The following PID1 variants were observed in gnomAD, a reference collection of about 807,000 sequenced individuals.
PID1 encodes the protein PTB-containing, cubilin and LRP1-interacting protein.
Under a neutral mutation model 19.1 loss-of-function variants are expected in PID1, and 10 were observed. The ratio of observed to expected loss-of-function variants is 0.52; its 90% confidence interval spans 0.32 to 0.89. The LOEUF is 0.89. Among genes scored for constraint, PID1 ranks in the 40% least tolerant of loss-of-function variants. The pLI, the probability that PID1 is intolerant of heterozygous loss-of-function variation, is 0.03. For missense variants in PID1, 248 were observed against 285.3 expected, an observed-to-expected ratio of 0.87 and a Z score of 0.94; for synonymous variants, 130 against 116.0, an observed-to-expected ratio of 1.12 and a Z score of -0.78.
intron 1 of PID1, among the ~76,000 whole-genome samples, chr2:229,208,246 C>T (rs1421016245): frequency 6.6e-6 from 1 of 152,188 alleles, no homozygotes; most frequent in Non-Finnish European, 1.5e-5. Context: ...CCTGGAAACT[C>T]AGTGCATAGC....
chr2:229,173,028 C>T (rs1482563611), intron 1 of PID1, among the ~76,000 whole-genome samples: 1 of 152,072 alleles, frequency 6.6e-6, no homozygotes, highest in Non-Finnish European at 1.5e-5. Context: ...CCACTGGCCT[C>T]AATGCACTTT....
At position 229,126,980 on chromosome 2, in the gene PID1, T is replaced by C. The variant is rs148095603; in HGVS notation, c.177+28838A>G. On this transcript the variant is annotated intron_variant, in intron 2 of 2. Transcript: ENST00000392055. ...AAGAACCAAGGCTTCTCCCAGTCTG[T>C]GGCTCCGCCATTCCCCAAGTCCTCA... Among the ~76,000 whole-genome samples, 394 of 152,334 alleles carry C rather than the reference T, an allele frequency of 2.6e-3. 18 individuals carry two copies. The East Asian group carries it at 0.067, about 26-fold the overall frequency.
chr2:229,025,678 C>T lies in PID1; in HGVS notation c.608G>A (p.Ser203Asn). 6.2e-7 allele frequency: 1 copy of T among 1,613,686 alleles called. No homozygotes were observed. The highest frequency in any genetic ancestry group is 8.5e-7 in the Non-Finnish European group (1 of 1,179,580). ...MKSDGRIHSN[S>N]SSEEVSQELE... ...TTCCTGGGAAACCTCTTCGGAGGAGCTGTTGCTGTGGATCCGCCCGTCGCT... is the reference window on the plus strand; with the variant it reads ...TTCCTGGGAAACCTCTTCGGAGGAGTTGTTGCTGTGGATCCGCCCGTCGCT... The change falls in exon 3 of 3, where the codon AGC becomes AAC. Residue 203 changes from serine (S) to asparagine (N), a missense_variant. Ser to Asn is a conservative substitution (Grantham distance 46, BLOSUM62 1). Transcript: ENST00000392055.
At position 229,195,593 on chromosome 2, in the gene PID1, T is replaced by A. The variant is rs147833324; in HGVS notation, c.31-39629A>T. 8.0e-4 allele frequency among the ~76,000 whole-genome samples: 122 copies of A among 152,098 alleles called. 1 individual carries two copies. The East Asian group carries it at 0.015, about 19-fold the overall frequency. On this transcript the variant is annotated intron_variant, in intron 1 of 2. Transcript: ENST00000392055. Reference sequence around the variant, plus strand: ...CTGTACACAATCTTCCCTACTTTGTTAATTTTTAGCTTAGTGATATGTCCT... The same window carrying A: ...CTGTACACAATCTTCCCTACTTTGTAAATTTTTAGCTTAGTGATATGTCCT...
intron 2 of PID1, among the ~76,000 whole-genome samples, chr2:229,060,103 A>G (rs1300650162): frequency 1.3e-5 from 2 of 152,192 alleles, no homozygotes; most frequent in African/African-American, 4.8e-5. Flanking sequence ...CAAAACCATC[A>G]CCAGGCTACA....
chr2:229,095,549 A>G (rs1310305612), intron 2 of PID1, among the ~76,000 whole-genome samples: 2 of 152,216 alleles, frequency 1.3e-5, no homozygotes, highest in African/African-American at 4.8e-5. Context: ...AGTGAATTAG[A>G]AAGTGAAGAG....
chr2:229,082,149 G>A (rs1453028118), intron 2 of PID1, among the ~76,000 whole-genome samples: 1 of 152,188 alleles, frequency 6.6e-6, no homozygotes, highest in Admixed American at 6.5e-5. Flanking sequence ...CAGAGTAACT[G>A]CTCAAGTTTA....
chr2:229,074,847 T>G (rs1284490800), intron 2 of PID1, among the ~76,000 whole-genome samples: 1 of 152,198 alleles, frequency 6.6e-6, no homozygotes, highest in African/African-American at 2.4e-5. Flanking sequence ...GATTTGAGCT[T>G]GCTGTTGAGA....
chr2:229,263,827 G>A (rs1233072053), intron 1 of PID1, among the ~76,000 whole-genome samples: 1 of 152,182 alleles, frequency 6.6e-6, no homozygotes, highest in Non-Finnish European at 1.5e-5. Flanking sequence ...CAGTCTGCTG[G>A]CTATGAACCC....
At chr2:229,035,539 T>C (rs1012740798) in intron 2 of PID1, among the ~76,000 whole-genome samples, 8 of 143,994 alleles carry the variant, frequency 5.6e-5, no homozygotes, top group South Asian at 2.2e-4. Flanking sequence ...TGTGTGTGTG[T>C]GCACCAACCT....
intron 2 of PID1, among the ~76,000 whole-genome samples, chr2:229,152,818 C>G (rs915754549): frequency 3.3e-5 from 5 of 151,964 alleles, no homozygotes; most frequent in Non-Finnish European, 7.4e-5. Flanking sequence ...GTGGTGCTCG[C>G]CATAACCCAT....
intron 1 of PID1, among the ~76,000 whole-genome samples, chr2:229,269,706 G>A (rs1199733931): frequency 6.6e-6 from 1 of 152,202 alleles, no homozygotes; most frequent in East Asian, 1.9e-4. Context: ...GTCATTCAGA[G>A]CCCAGTGCTG....
intron 2 of PID1, among the ~76,000 whole-genome samples, chr2:229,055,768 A>G (rs1465927670): frequency 6.6e-6 from 1 of 152,246 alleles, no homozygotes; most frequent in Non-Finnish European, 1.5e-5. Context: ...ATGGCCATAA[A>G]GGCTGGATTT....
At position 229,093,196 on chromosome 2, in the gene PID1, G is replaced by A. The variant is rs141840685; in HGVS notation, c.177+62622C>T. Among the ~76,000 whole-genome samples, 236 of 147,304 alleles carry A rather than the reference G, an allele frequency of 1.6e-3. 1 individual carries two copies. The highest frequency in any genetic ancestry group is 5.6e-3 in the African/African-American group (223 of 39,594). On this transcript the variant is annotated intron_variant, in intron 2 of 2. Coordinates refer to ENST00000392055, the MANE Select transcript of PID1 (RefSeq NM_001100818.2). ...CACCCAAGCTGGAAAGCAGTGGCAC[G>A]ATCTCAGCCACTCCACCTCCGGGTT...
intron 2 of PID1, among the ~76,000 whole-genome samples, chr2:229,118,436 T>G (rs1217478822): frequency 6.6e-6 from 1 of 152,202 alleles, no homozygotes; most frequent in Non-Finnish European, 1.5e-5. Context: ...CTTAGTATTA[T>G]GAGGAAAGAA....
At chr2:229,183,091 T>C (rs1690981216) in intron 1 of PID1, among the ~76,000 whole-genome samples, 1 of 152,220 alleles carries the variant, frequency 6.6e-6, no homozygotes, top group Non-Finnish European at 1.5e-5. Flanking sequence ...GGTGAAGTTA[T>C]ACTGGGCAAG....
chr2:229,128,597 C>G (rs949733835), intron 2 of PID1, among the ~76,000 whole-genome samples: 2 of 152,030 alleles, frequency 1.3e-5, no homozygotes, highest in African/African-American at 4.8e-5. Flanking sequence ...TAGACAAACG[C>G]TATACAAAGA....
At chr2:229,084,639 A>G (rs551633623) in intron 2 of PID1, among the ~76,000 whole-genome samples, 1 of 152,340 alleles carries the variant, frequency 6.6e-6, no homozygotes, top group South Asian at 2.1e-4. Context: ...GCAATGCGAA[A>G]GCAGCCAACT....
intron 2 of PID1, among the ~76,000 whole-genome samples, chr2:229,108,092 AAAG>A (rs199510409): frequency 0.36 from 54,048 of 151,740 alleles, 10,578 homozygotes; most frequent in Middle Eastern, 0.51. Context: ...TAAAACAAGA[AAAG>A]AAAAGAAAGA....
Sources: allele counts gnomAD v4.1 joint callset (sites outside exome capture counted in the v4.1 genomes callset), GRCh38; gene constraint gnomAD v4.1.1; transcripts MANE v1.5; gene names NCBI Gene and HGNC (gene_info 2026-07-23, HGNC 2026-07-21).